The following BBX variants were observed in gnomAD, a reference collection of about 807,000 sequenced individuals.
BBX encodes the protein HMG box transcription factor BBX.
In BBX, 30 loss-of-function variants were observed where a neutral mutation model predicts 100.2. The observed-to-expected ratio is 0.30, with a 90% CI of 0.22 to 0.41. The LOEUF is 0.41. Ranked by LOEUF, BBX falls within the 10% of genes least tolerant of loss-of-function variation. The pLI, the probability that BBX is intolerant of heterozygous loss-of-function variation, is 1.00. For missense variants in BBX, 1,023 were observed against 1,129.8 expected, an observed-to-expected ratio of 0.91 and a Z score of 1.35; for synonymous variants, 376 against 388.1, an observed-to-expected ratio of 0.97 and a Z score of 0.37.
At chr3:107,670,938 T>A (rs1233557006) in intron 3 of BBX, among the ~76,000 whole-genome samples, 2 of 152,080 alleles carry the variant, frequency 1.3e-5, no homozygotes, top group African/African-American at 4.8e-5. Context: ...ATTTGTTGTT[T>A]TTTCCTAAAA....
intron 2 of BBX, among the ~76,000 whole-genome samples, chr3:107,612,816 G>T (rs935248394): frequency 1.3e-5 from 2 of 152,212 alleles, no homozygotes; most frequent in Admixed American, 1.3e-4. Flanking sequence ...GCAGTCTTGT[G>T]TCCTTCTGTT....
intron 3 of BBX, among the ~76,000 whole-genome samples, chr3:107,681,136 A>G (rs1351201783): frequency 2.0e-5 from 3 of 152,186 alleles, no homozygotes; most frequent in East Asian, 1.9e-4. Flanking sequence ...TGGATAGCTT[A>G]TAAGTAATCA....
At chr3:107,679,398 C>T (rs892853449) in intron 3 of BBX, among the ~76,000 whole-genome samples, 4 of 152,138 alleles carry the variant, frequency 2.6e-5, no homozygotes, top group South Asian at 2.1e-4. Flanking sequence ...GGGCTTGAGT[C>T]GCATATTTTC....
intron 4 of BBX, among the ~76,000 whole-genome samples, chr3:107,716,275 C>A (rs2062096696): frequency 6.6e-6 from 1 of 152,038 alleles, no homozygotes. Context: ...GAGCTAGGCA[C>A]TATGGTTGTA....
intron 9 of BBX, among the ~76,000 whole-genome samples, chr3:107,751,073 T>C (rs1440955971): frequency 1.4e-5 from 2 of 139,956 alleles, no homozygotes; most frequent in African/African-American, 2.5e-5. Context: ...CACTGCTCTA[T>C]AGTTATGTGT....
At chr3:107,612,105 T>A (rs940633372) in intron 2 of BBX, among the ~76,000 whole-genome samples, 1 of 152,154 alleles carries the variant, frequency 6.6e-6, no homozygotes, top group Non-Finnish European at 1.5e-5. Flanking sequence ...ATTTATCTGA[T>A]AGGATTCTGA....
rs1372129928 is a variant in BBX, at chr3:107,769,212, AGATAGATAGATAGATAGACAGATAGATAG to A, written c.907-3403_907-3375del. Among the ~76,000 whole-genome samples, 33 of 141,908 alleles carry A rather than the reference AGATAGATAGATAGATAGACAGATAGATAG, an allele frequency of 2.3e-4. 1 individual carries two copies. Among genetic ancestry groups the A allele is most frequent in the Admixed American group, 6.4e-4 (9 of 14,080 alleles). 93.1% of individuals were successfully genotyped at this position (141,908 alleles called of 152,430 possible). A position where few individuals can be genotyped will look rare whatever the true frequency, so the allele number is the denominator to read the frequency against. On this transcript the variant is annotated intron_variant, in intron 10 of 17. Transcript: ENST00000325805. ...TAGATAGATAGATAGATAGATAGAT[AGATAGATAGATAGATAGACAGATAGATAG>A]GATAGATAGATAATCTGATAGATAG...
intron 16 of BBX, among the ~76,000 whole-genome samples, chr3:107,799,328 G>T (rs1021250843): frequency 1.3e-5 from 2 of 152,122 alleles, no homozygotes; most frequent in Non-Finnish European, 1.5e-5. Context: ...CACCATGTCA[G>T]CAAATGACTG....
At chr3:107,581,845 A>G (rs986210363) in intron 2 of BBX, among the ~76,000 whole-genome samples, 3 of 152,186 alleles carry the variant, frequency 2.0e-5, no homozygotes, top group Non-Finnish European at 4.4e-5. Context: ...TATTTTTAGA[A>G]AAGAATTATG....
At chr3:107,605,375 A>G (rs564767901) in intron 2 of BBX, among the ~76,000 whole-genome samples, 1 of 145,756 alleles carries the variant, frequency 6.9e-6, no homozygotes, top group East Asian at 2.0e-4. Context: ...TTCACTTTCT[A>G]TTTTTTTTTT....
intron 3 of BBX, among the ~76,000 whole-genome samples, chr3:107,687,777 G>A (rs1482745235): frequency 1.3e-5 from 2 of 152,096 alleles, no homozygotes; most frequent in African/African-American, 2.4e-5. Flanking sequence ...AAAATGGTCC[G>A]GGCACGGTGG....
chr3:107,579,750 C>A (rs1198622016), intron 2 of BBX, among the ~76,000 whole-genome samples: 2 of 152,156 alleles, frequency 1.3e-5, no homozygotes, highest in African/African-American at 2.4e-5. Flanking sequence ...TTTGTTCTTC[C>A]CCAGTTTGCA....
Position 107,634,865 on chromosome 3 carries a change from T to C in BBX, c.-83-10971T>C, listed in dbSNP as rs540349638. ...ACCTCCAGAGAATAAACAAATACTT[T>C]TGTTGTTGCTTTTAAGTTATAGCAA... On this transcript the variant is annotated intron_variant, in intron 2 of 17. Coordinates refer to ENST00000325805, the MANE Select transcript of BBX (RefSeq NM_001142568.3). 3.3e-5 allele frequency among the ~76,000 whole-genome samples: 5 copies of C among 152,312 alleles called. No homozygotes were observed. The South Asian group carries it at 8.3e-4, about 25-fold the overall frequency.
chr3:107,554,369 A>G (rs1413878123), intron 2 of BBX, among the ~76,000 whole-genome samples: 3 of 152,196 alleles, frequency 2.0e-5, no homozygotes, highest in African/African-American at 7.2e-5. Flanking sequence ...GGTATCCAAG[A>G]AATTGTAAAT....
intron 10 of BBX, among the ~76,000 whole-genome samples, chr3:107,768,013 A>T (rs2066532944): frequency 6.6e-6 from 1 of 152,102 alleles, no homozygotes; most frequent in Non-Finnish European, 1.5e-5. Flanking sequence ...TCCATCTTCC[A>T]CTGGGGACCT....
At chr3:107,784,460 T>C (rs1481237881) in intron 13 of BBX, among the ~76,000 whole-genome samples, 1 of 151,982 alleles carries the variant, frequency 6.6e-6, no homozygotes. Flanking sequence ...GAGTGTGTTC[T>C]CTGACCATAG....
intron 9 of BBX, among the ~76,000 whole-genome samples, chr3:107,751,304 C>G (rs577719331): frequency 7.8e-4 from 118 of 152,200 alleles, no homozygotes; most frequent in African/African-American, 2.6e-3. Context: ...AAACAATTTA[C>G]TCTTTAAAAG....
rs146226992 is a variant in BBX, at chr3:107,693,217, A to T, written c.-9-17235A>T. On this transcript the variant is annotated intron_variant, in intron 3 of 17. Coordinates refer to ENST00000325805, the MANE Select transcript of BBX (RefSeq NM_001142568.3). ...CTTTAGTTTAATTAGATCCCATTTG[A>T]CAATTTTGGCTTTTGTTGCCATTGC... Among the ~76,000 whole-genome samples, 8 of 151,160 alleles carry T rather than the reference A, an allele frequency of 5.3e-5. No homozygotes were observed. The East Asian group carries it at 9.7e-4, about 18-fold the overall frequency.
In BBX at chr3:107,760,986, G is replaced by T. The variant is rs78224988; in HGVS notation, c.906+5308G>T. 1.7e-3 allele frequency among the ~76,000 whole-genome samples: 264 copies of T among 152,300 alleles called. 1 individual carries two copies. Among genetic ancestry groups the T allele is most frequent in the African/African-American group, 6.2e-3 (257 of 41,568 alleles). On this transcript the variant is annotated intron_variant, in intron 10 of 17. Transcript: ENST00000325805. The stretch of plus-strand genomic sequence containing the variant: ...AATTGCTCAGAGTTGATTAGTGGTT[G>T]CCCTTTTGGATGCTTGTTCTCCAAA...
Sources: allele counts gnomAD v4.1 joint callset (sites outside exome capture counted in the v4.1 genomes callset), GRCh38; gene constraint gnomAD v4.1.1; transcripts MANE v1.5; gene names NCBI Gene and HGNC (gene_info 2026-07-23, HGNC 2026-07-21).